AP2A2: variants seen among roughly 807,000 people sequenced by gnomAD.
The protein encoded by AP2A2 is AP-2 complex subunit alpha-2.
Under a neutral mutation model 104.2 loss-of-function variants are expected in AP2A2, and 32 were observed. The ratio of observed to expected loss-of-function variants is 0.31; its 90% CI spans 0.23 to 0.41. AP2A2 has a LOEUF of 0.41. Among genes scored for constraint, AP2A2 ranks in the 10% least tolerant of loss-of-function variants. The pLI is 1.00. For missense variants in AP2A2, 912 were observed against 1,261.0 expected, an observed-to-expected ratio of 0.72 and a Z score of 4.19; for synonymous variants, 539 against 533.3, an observed-to-expected ratio of 1.01 and a Z score of -0.15.
intron 4 of AP2A2, among the ~76,000 whole-genome samples, chr11:972,677 G>A (rs183279506): frequency 3.9e-5 from 6 of 152,240 alleles, no homozygotes; most frequent in African/African-American, 1.4e-4. Context: ...CAGCCTGGGC[G>A]ACAGAGCGAG....
Position 1,011,541 on chromosome 11 carries a change from G to A in AP2A2, c.*916G>A. On this transcript the variant is annotated 3_prime_UTR_variant, in exon 22 of 22. Transcript: ENST00000448903. ...GAAGGGGCCATTGGCCGCATGCCATGTGCCACCTGCGGCTTGTGTCTCACC... is the reference window on the plus strand; with the variant it reads ...GAAGGGGCCATTGGCCGCATGCCATATGCCACCTGCGGCTTGTGTCTCACC... 1 of 476,304 alleles carries A rather than the reference G, an allele frequency of 2.1e-6. No individual in the cohort carries two copies. The highest frequency in any genetic ancestry group is 1.5e-5 in the South Asian group (1 of 66,162). The allele number at this position is 476,304 out of a possible 1,614,324, so 29.5% of individuals were successfully genotyped here.
At chr11:926,142 G>A in intron 1 of AP2A2, 54 bp downstream of exon 1, 8 of 1,180,056 alleles carry the variant, frequency 6.8e-6, no homozygotes, top group Non-Finnish European at 7.5e-6. Flanking sequence ...CGGAGACGGG[G>A]TCTGGGAGCG....
At position 926,031 on chromosome 11, in the gene AP2A2, G is replaced by A. The variant is rs745519629; in HGVS notation, c.10G>A (p.Val4Met). The change falls in exon 1 of 22, where the codon GTG (valine) becomes ATG (methionine). Residue 4 changes from valine (V) to methionine (M), a missense_variant. Val to Met is a conservative substitution (Grantham distance 21, BLOSUM62 1). Transcript: ENST00000448903. ...TCCCGAGCGTCGGAAGATGCCGGCCGTGTCCAAGGGGGACGGGATGCGGGG... is the reference window on the plus strand; with the variant it reads ...TCCCGAGCGTCGGAAGATGCCGGCCATGTCCAAGGGGGACGGGATGCGGGG... MPA[V>M]SKGDGMRGLA... 2 of 1,394,870 alleles carry A rather than the reference G, an allele frequency of 1.4e-6. No homozygotes were observed. The highest frequency in any genetic ancestry group is 1.6e-5 in the South Asian group (1 of 62,524). The allele number at this position is 1,394,870 out of a possible 1,614,324, so 86.4% of individuals were successfully genotyped here.
chr11:968,273 C>T lies in AP2A2; in HGVS notation c.137-1896C>T, dbSNP rs1854690295. The stretch of plus-strand genomic sequence containing the variant: ...CATCTCTGGGAGGCCCAGAGGTGAT[C>T]CTGCATCACCCTCACTGACCAGTGG... On this transcript the variant is annotated intron_variant, in intron 2 of 21. Transcript: ENST00000448903. The surrounding 1 kb of genome is among the most constrained non-coding windows in gnomAD (Gnocchi z 4.2). Among the ~76,000 whole-genome samples the T allele has an allele frequency of 6.6e-6, 1 of 152,218 alleles. No individual in the cohort carries two copies. Among genetic ancestry groups the T allele is most frequent in the Admixed American group, 6.5e-5 (1 of 15,288 alleles).
rs1856392664 is a variant in AP2A2, at chr11:1,010,561, C to T, written c.2756C>T (p.Thr919Met). 5 of 1,593,360 alleles carry T rather than the reference C, an allele frequency of 3.1e-6. No homozygotes were observed. Among genetic ancestry groups the T allele is most frequent in the Non-Finnish European group, 4.3e-6 (5 of 1,170,154 alleles). ...PNLQAQMYRL[T>M]LRTSKEAVSQ... The stretch of plus-strand genomic sequence containing the variant: ...TCTCTGTTTCAGATGTACCGGCTCA[C>T]GCTGCGCACAAGTAAGGAAGCCGTT... The change falls in exon 22 of 22, where the codon ACG (threonine) becomes ATG (methionine). Residue 919 changes from threonine to methionine, a missense_variant. Thr to Met is a moderately conservative substitution (Grantham distance 81, BLOSUM62 -1). Coordinates refer to ENST00000448903, the MANE Select transcript of AP2A2 (RefSeq NM_012305.4).
chr11:970,056 T>C, intron 2 of AP2A2, 113 bp from the exon 3 acceptor site: 1 of 1,203,338 alleles, frequency 8.3e-7, no homozygotes, highest in East Asian at 2.3e-5. Context: ...CGGCCACCCC[T>C]CTCCTGGAGG....
chr11:995,021 C>T (rs1445143320), intron 14 of AP2A2, among the ~76,000 whole-genome samples: 1 of 152,070 alleles, frequency 6.6e-6, no homozygotes, highest in Non-Finnish European at 1.5e-5. Context: ...GCCACTGTCC[C>T]TGCTGCACAC....
At chr11:927,046 C>G (rs576365610) in intron 1 of AP2A2, among the ~76,000 whole-genome samples, 13 of 152,272 alleles carry the variant, frequency 8.5e-5, no homozygotes, top group Non-Finnish European at 1.5e-4. Flanking sequence ...TGTTATCCAG[C>G]AAATAGTTGA....
chr11:996,647 C>T (rs757369633), intron 14 of AP2A2, among the ~76,000 whole-genome samples: 1 of 152,022 alleles, frequency 6.6e-6, no homozygotes, highest in Non-Finnish European at 1.5e-5. Flanking sequence ...AGTGTGCTGC[C>T]CTCTGAAAAG....
chr11:971,884 A>G (rs7945582), intron 3 of AP2A2, among the ~76,000 whole-genome samples, 178 bp from the exon 4 acceptor site: 5,868 of 152,206 alleles, frequency 0.039, 161 homozygotes, highest in Non-Finnish European at 0.06. Flanking sequence ...CCTCGGTTCC[A>G]CTGGAACAGA....
At chr11:945,718 A>G (rs1368822706) in intron 1 of AP2A2, among the ~76,000 whole-genome samples, 1 of 152,184 alleles carries the variant, frequency 6.6e-6, no homozygotes, top group Non-Finnish European at 1.5e-5. Context: ...TGGGAGGCCA[A>G]AACTGGAGGA....
rs1292096111 is a variant in AP2A2, at chr11:988,652, A to G, written c.1232A>G (p.Tyr411Cys). Residue 411 changes from tyrosine to cysteine, a missense_variant, in exon 10 of 22, where the codon TAT (tyrosine) becomes TGT (cysteine). Around this residue, in one of 7 missense-constraint regions of AP2A2, gnomAD observed 350 missense variants for 487.0 expected, o/e 0.72. Coordinates refer to ENST00000448903, the MANE Select transcript of AP2A2 (RefSeq NM_012305.4). ...APQIVAEMLS[Y>C]LETADYSIRE... is the part of the protein sequence containing the mutation. ...CAGATCGTGGCCGAGATGCTGAGCTATCTGGAGACAGCTGACTACTCCATC... is the reference window on the plus strand; with the variant it reads ...CAGATCGTGGCCGAGATGCTGAGCTGTCTGGAGACAGCTGACTACTCCATC... 6.2e-7 allele frequency: 1 copy of G among 1,613,754 alleles called. No homozygotes were observed. The highest frequency in any genetic ancestry group is 8.5e-7 in the Non-Finnish European group (1 of 1,179,880).
intron 1 of AP2A2, among the ~76,000 whole-genome samples, chr11:948,198 T>G (rs61867583): frequency 6.6e-6 from 1 of 152,092 alleles, no homozygotes; most frequent in Non-Finnish European, 1.5e-5. Flanking sequence ...ATCATCAAAA[T>G]TGGCAAACTT....
intron 14 of AP2A2, chr11:995,354 T>G (rs1297894128): frequency 1.1e-5 from 5 of 455,802 alleles, no homozygotes; most frequent in African/African-American, 8.0e-5. Flanking sequence ...AAGTGTCGTT[T>G]TGAGAGTTGC....
At chr11:1,003,636 C>A in intron 15 of AP2A2, 86 bp from the exon 16 acceptor site, 1 of 817,276 alleles carries the variant, frequency 1.2e-6, no homozygotes, top group East Asian at 2.9e-5. Context: ...CTGGCCTCCT[C>A]GTGCTGTGAG....
chr11:984,249 G>A (rs540115144), intron 6 of AP2A2, among the ~76,000 whole-genome samples: 1 of 152,290 alleles, frequency 6.6e-6, no homozygotes, highest in East Asian at 1.9e-4. Flanking sequence ...TTGGCCTGTG[G>A]TCGGGGGGCC....
At chr11:995,793 C>G (rs1163930114) in intron 14 of AP2A2, among the ~76,000 whole-genome samples, 15 of 4,280 alleles carry the variant, frequency 3.5e-3, no homozygotes, top group Non-Finnish European at 5.9e-3. Flanking sequence ...CCCCTGTCCC[C>G]CCGTGCCCTC....
intron 6 of AP2A2, among the ~76,000 whole-genome samples, chr11:982,528 G>A (rs557272295): frequency 1.3e-5 from 2 of 151,912 alleles, no homozygotes; most frequent in Non-Finnish European, 1.5e-5. Flanking sequence ...GTCTGCTTTA[G>A]AATTTTGTTG....
At position 967,659 on chromosome 11, in the gene AP2A2, C is replaced by T. The variant is rs114520376; in HGVS notation, c.137-2510C>T. Among the ~76,000 whole-genome samples the T allele has an allele frequency of 8.7e-3, 1,318 of 152,170 alleles. 16 individuals are homozygous for T. The highest frequency in any genetic ancestry group is 0.03 in the African/African-American group (1,230 of 41,510). ...ACAGGCGTGAGCCACCATGCGCGGCCCTGTTTCATTTTTATAGTAACCTGC... is the reference window on the plus strand; with the variant it reads ...ACAGGCGTGAGCCACCATGCGCGGCTCTGTTTCATTTTTATAGTAACCTGC... On this transcript the variant is annotated intron_variant, in intron 2 of 21. Coordinates refer to ENST00000448903, the MANE Select transcript of AP2A2 (RefSeq NM_012305.4).
Sources: allele counts gnomAD v4.1 joint callset (sites outside exome capture counted in the v4.1 genomes callset), GRCh38; gene constraint gnomAD v4.1.1; regional missense constraint gnomAD v4.1.1; non-coding constraint Gnocchi (gnomAD v3.1); transcripts MANE v1.5; gene names NCBI Gene and HGNC (gene_info 2026-07-23, HGNC 2026-07-21).